ATP8B4: variants seen among roughly 807,000 people sequenced by gnomAD.
The protein encoded by ATP8B4 is probable phospholipid-transporting ATPase IM.
ATP8B4 carries 133 observed loss-of-function variants against 145.6 expected under a neutral mutation model. The ratio of observed to expected loss-of-function variants is 0.91; its 90% CI spans 0.79 to 1.05. The LOEUF is 1.05. Ranked by LOEUF, ATP8B4 falls within the 50% of genes least tolerant of loss-of-function variation. The pLI is 0.00. For missense variants in ATP8B4, 1,458 were observed against 1,425.2 expected (o/e 1.02, Z -0.37); for synonymous variants, 507 against 492.9 (o/e 1.03, Z -0.38).
At chr15:49,865,952 G>A (rs977714240) in intron 26 of ATP8B4, among the ~76,000 whole-genome samples, 4 of 152,144 alleles carry the variant, frequency 2.6e-5, no homozygotes, top group Admixed American at 6.5e-5. Flanking sequence ...AAGTTCTATG[G>A]GTGAATTTTG....
In ATP8B4 at chr15:49,876,449, C is replaced by G; in HGVS notation, c.2856G>C (p.Lys952Asn). 1 of 1,614,116 alleles carries G rather than the reference C, an allele frequency of 6.2e-7. No homozygotes were observed. The highest frequency in any genetic ancestry group is 8.5e-7 in the Non-Finnish European group (1 of 1,179,974). The change falls in exon 25 of 28, where the codon AAG becomes AAC. Residue 952 changes from lysine to asparagine, a missense_variant. Lys to Asn is a moderately conservative substitution (Grantham distance 94). Transcript: ENST00000284509. Reference protein sequence around the residue: ...KPGQLNLLFNKRKFFICVLHG... With the variant: ...KPGQLNLLFNNRKFFICVLHG... ...GCAACACGCAAATGAAAAATTTACG[C>G]TTGTTAAAAAGCAGATTCAGCTGTC...
At chr15:50,025,401 C>T (rs569314125) in intron 6 of ATP8B4, among the ~76,000 whole-genome samples, 22 of 152,318 alleles carry the variant, frequency 1.4e-4, no homozygotes, top group African/African-American at 4.6e-4. Context: ...CTCTTCTCTC[C>T]GCCTTATTCT....
At position 50,002,219 on chromosome 15, in the gene ATP8B4, T is replaced by G. The variant is rs1308949680; in HGVS notation, c.440A>C (p.Asp147Ala). 1.2e-6 allele frequency: 2 copies of G among 1,608,406 alleles called. No homozygotes were observed. The highest frequency in any genetic ancestry group is 8.5e-7 in the Non-Finnish European group (1 of 1,176,066). ...KLENNQFVAA[D>A]LLLLSSSEPH... ...CTCACTACTTGATAGGAGAAGTAAA[T>G]CAGCCTATTTTCAAAAATCATAACA... is the stretch of plus-strand genomic sequence containing the variant. Residue 147 changes from aspartate (D) to alanine (A), a missense_variant, in exon 8 of 28, where the codon GAT (aspartate) becomes GCT (alanine). By Grantham distance (126) the Asp-to-Ala change is moderately radical (BLOSUM62 -2). Coordinates refer to ENST00000284509, the MANE Select transcript of ATP8B4 (RefSeq NM_024837.4).
intron 13 of ATP8B4, among the ~76,000 whole-genome samples, chr15:49,966,821 T>C (rs2044590494): frequency 6.6e-6 from 1 of 152,216 alleles, no homozygotes; most frequent in Admixed American, 6.5e-5. Context: ...GTATCCTGAC[T>C]GGGAGACATC....
chr15:49,969,532 G>A (rs1183550595), intron 13 of ATP8B4, among the ~76,000 whole-genome samples: 1 of 152,098 alleles, frequency 6.6e-6, no homozygotes, highest in Non-Finnish European at 1.5e-5. Context: ...AGAAGAAATG[G>A]ATACATTCCT....
In ATP8B4 at chr15:49,873,979, G is replaced by C. The variant is rs199850996; in HGVS notation, c.3027+2299C>G. ...ATCAGTTATAATGATTCTTTCCTAG[G>C]AACTTGACACACCCAGATGAACTCT... On this transcript the variant is annotated intron_variant, in intron 25 of 27. Coordinates refer to ENST00000284509, the MANE Select transcript of ATP8B4 (RefSeq NM_024837.4). Among the ~76,000 whole-genome samples, 6 of 152,240 alleles carry C rather than the reference G, an allele frequency of 3.9e-5. No individual in the cohort carries two copies. The East Asian group carries it at 1.2e-3, about 29-fold the overall frequency.
intron 10 of ATP8B4, among the ~76,000 whole-genome samples, chr15:49,985,756 T>C (rs545107643): frequency 3.9e-4 from 59 of 152,242 alleles, no homozygotes; most frequent in Admixed American, 1.9e-3. Flanking sequence ...GTGCTCTGAA[T>C]TAAATTTGAA....
intron 27 of ATP8B4, 65 bp from the exon 28 acceptor site, chr15:49,860,540 CT>C (rs2031471201): frequency 6.8e-7 from 1 of 1,470,158 alleles, no homozygotes; most frequent in Non-Finnish European, 9.0e-7. Context: ...CAGTGGCCCA[CT>C]TTGTAAAGTG....
intron 2 of ATP8B4, among the ~76,000 whole-genome samples, chr15:50,077,361 G>A (rs1221042141): frequency 6.6e-6 from 1 of 152,114 alleles, no homozygotes; most frequent in East Asian, 1.9e-4. Context: ...AAACATAACA[G>A]TGCTGGAAAA....
chr15:50,028,998 G>A (rs2050211922), intron 6 of ATP8B4, among the ~76,000 whole-genome samples: 1 of 152,012 alleles, frequency 6.6e-6, no homozygotes, highest in Non-Finnish European at 1.5e-5. Flanking sequence ...ACTTTGGGAG[G>A]CCGAGGCAGG....
At chr15:50,056,122 C>G (rs2052578181) in intron 3 of ATP8B4, among the ~76,000 whole-genome samples, 1 of 152,196 alleles carries the variant, frequency 6.6e-6, no homozygotes, top group Non-Finnish European at 1.5e-5. Flanking sequence ...CCACCATCAT[C>G]TTAACGTTCT....
At chr15:49,902,316 T>C (rs2153433793) in intron 20 of ATP8B4, 1 of 152,330 alleles carries the variant, frequency 6.6e-6, no homozygotes, top group South Asian at 2.1e-4. Flanking sequence ...TTTATTAAAA[T>C]GGTTTTATGC....
At chr15:50,027,379 G>GTGGGTGGATGGATGGA (rs139338084) in intron 6 of ATP8B4, among the ~76,000 whole-genome samples, 3 of 149,028 alleles carry the variant, frequency 2.0e-5, no homozygotes, top group Admixed American at 6.7e-5. Flanking sequence ...GGATGGATGG[G>GTGGGTGGATGGATGGA]TGGATGGATG....
At chr15:50,135,117 A>G (rs567582126) in intron 1 of ATP8B4, among the ~76,000 whole-genome samples, 2 of 152,338 alleles carry the variant, frequency 1.3e-5, no homozygotes, top group Non-Finnish European at 2.9e-5. Flanking sequence ...GAAAATTTAA[A>G]TGGTTTTATG....
chr15:50,053,975 A>G (rs894423723), intron 3 of ATP8B4, among the ~76,000 whole-genome samples: 2 of 152,250 alleles, frequency 1.3e-5, no homozygotes, highest in Non-Finnish European at 2.9e-5. Context: ...TGGAACTAAT[A>G]ACATTTCTCA....
At chr15:50,022,022 T>C (rs2049615359) in intron 6 of ATP8B4, among the ~76,000 whole-genome samples, 1 of 152,114 alleles carries the variant, frequency 6.6e-6, no homozygotes, top group Non-Finnish European at 1.5e-5. Flanking sequence ...AAGGACAGGA[T>C]GAATCATTGT....
chr15:49,929,000 A>C (rs2040996729), intron 16 of ATP8B4, among the ~76,000 whole-genome samples: 1 of 152,090 alleles, frequency 6.6e-6, no homozygotes, highest in Non-Finnish European at 1.5e-5. Flanking sequence ...TTAGAAATGC[A>C]AATTGGTGGG....
chr15:50,102,796 A>AAC (rs1201923102), intron 2 of ATP8B4, among the ~76,000 whole-genome samples: 3 of 151,870 alleles, frequency 2.0e-5, no homozygotes, highest in Non-Finnish European at 4.4e-5. Context: ...CAAAAAAAAA[A>AAC]AAACTACAGA....
At position 49,860,393 on chromosome 15, in the gene ATP8B4, C is replaced by T; in HGVS notation, c.3380G>A (p.Arg1127Lys). Residue 1127 changes from arginine (R) to lysine (K), a missense_variant, in exon 28 of 28, where the codon AGG (arginine) becomes AAG (lysine). Physicochemically the swap from Arg to Lys is conservative, Grantham distance 26. Transcript: ENST00000284509. Reference sequence around the variant, plus strand: ...TTGGTGAGCAAAAGCATATCCAGACCTTCTTGAGCTTGACCTGCGGGTCCG... The same window carrying T: ...TTGGTGAGCAAAAGCATATCCAGACTTTCTTGAGCTTGACCTGCGGGTCCG... Reference protein sequence around the residue: ...RPRTRRSSSRRSGYAFAHQEG... With the variant: ...RPRTRRSSSRKSGYAFAHQEG... The T allele has an allele frequency of 1.2e-6, 2 of 1,614,036 alleles. No individual in the cohort carries two copies. Among genetic ancestry groups the T allele is most frequent in the African/African-American group, 1.3e-5 (1 of 75,012 alleles).
Sources: allele counts gnomAD v4.1 joint callset (sites outside exome capture counted in the v4.1 genomes callset), GRCh38; gene constraint gnomAD v4.1.1; transcripts MANE v1.5; gene names NCBI Gene and HGNC (gene_info 2026-07-23, HGNC 2026-07-21).